The following GRIN2B variants were observed in gnomAD, a reference collection of about 807,000 sequenced individuals.
GRIN2B encodes glutamate ionotropic receptor NMDA type subunit 2B.
In GRIN2B, 5 loss-of-function variants were observed where a neutral mutation model predicts 114.5. The observed-to-expected ratio is 0.04, with a 90% CI of 0.02 to 0.09. GRIN2B has a LOEUF of 0.09. Ranked by LOEUF, GRIN2B falls within the 10% of genes least tolerant of loss-of-function variation. The pLI is 1.00. For synonymous variants in GRIN2B, 787 were observed against 745.1 expected, an observed-to-expected ratio of 1.06 and a Z score of -0.92; for missense variants, 1,108 against 1,943.5, an observed-to-expected ratio of 0.57 and a Z score of 8.08.
chr12:13,607,329 T>C (rs1591637403), intron 10 of GRIN2B, among the ~76,000 whole-genome samples: 1 of 51,622 alleles, frequency 1.9e-5, no homozygotes, highest in African/African-American at 8.1e-5. Context: ...AAATATATAA[T>C]ATATATTATA....
intron 5 of GRIN2B, among the ~76,000 whole-genome samples, chr12:13,640,273 A>T (rs1029037393): frequency 6.6e-6 from 1 of 152,174 alleles, no homozygotes; most frequent in Non-Finnish European, 1.5e-5. Context: ...AAAGAAAAAA[A>T]TGTAGATATC....
intron 2 of GRIN2B, among the ~76,000 whole-genome samples, chr12:13,955,432 G>C (rs1867571695): frequency 6.6e-6 from 1 of 152,194 alleles, no homozygotes; most frequent in Non-Finnish European, 1.5e-5. Context: ...CCACACGTCT[G>C]CAGCAGACAT....
intron 5 of GRIN2B, among the ~76,000 whole-genome samples, chr12:13,631,528 G>GA (rs1214235260): frequency 1.3e-5 from 2 of 151,612 alleles, no homozygotes; most frequent in African/African-American, 2.4e-5. Flanking sequence ...AAAAAGAAAA[G>GA]AAAAAAAAGA....
chr12:13,642,731 A>G (rs1220876867), intron 5 of GRIN2B, among the ~76,000 whole-genome samples: 1 of 152,112 alleles, frequency 6.6e-6, no homozygotes, highest in African/African-American at 2.4e-5. Flanking sequence ...TGTGTCAGAT[A>G]CTCTGATAAC....
intron 3 of GRIN2B, among the ~76,000 whole-genome samples, chr12:13,864,749 C>G (rs1865798867): frequency 6.6e-6 from 1 of 152,104 alleles, no homozygotes; most frequent in South Asian, 2.1e-4. Context: ...GACAATTAGC[C>G]TAACATTAAC....
At chr12:13,578,083 A>C (rs545974897) in intron 10 of GRIN2B, among the ~76,000 whole-genome samples, 93 of 152,314 alleles carry the variant, frequency 6.1e-4, no homozygotes, top group African/African-American at 2.2e-3. Flanking sequence ...TATTTTTAAA[A>C]TTTCTAAACA....
At chr12:13,638,394 C>T (rs1805552) in intron 5 of GRIN2B, among the ~76,000 whole-genome samples, 29,238 of 151,986 alleles carry the variant, frequency 0.19, 3,401 homozygotes, top group East Asian at 0.38. Flanking sequence ...GACATGTCCA[C>T]GTGAATGCAT....
At chr12:13,574,873 T>C (rs58177631) in intron 10 of GRIN2B, among the ~76,000 whole-genome samples, 8,416 of 152,274 alleles carry the variant, frequency 0.055, 315 homozygotes, top group East Asian at 0.18. Context: ...GAGTGTGGCA[T>C]TAGCGTACAG....
At chr12:13,877,355 C>A (rs540992708) in intron 2 of GRIN2B, among the ~76,000 whole-genome samples, 1 of 152,186 alleles carries the variant, frequency 6.6e-6, no homozygotes, top group Admixed American at 6.5e-5. Flanking sequence ...GGTTATCAGG[C>A]CAACTATAGG....
intron 3 of GRIN2B, among the ~76,000 whole-genome samples, chr12:13,810,734 G>A (rs1864714472): frequency 6.6e-6 from 1 of 152,178 alleles, no homozygotes; most frequent in African/African-American, 2.4e-5. Context: ...CACTTCTAAT[G>A]CCTATACAGT....
chr12:13,538,853 AAAC>A lies in GRIN2B; in HGVS notation c.*23927_*23929del, dbSNP rs1055723939. 3.3e-5 allele frequency: 5 copies of A among 151,850 alleles called. No individual in the cohort carries two copies. The highest frequency in any genetic ancestry group is 1.2e-4 in the African/African-American group (5 of 41,372). 9.4% of individuals were successfully genotyped at this position (151,850 alleles called of 1,614,324 possible). A position where few individuals can be genotyped will look rare whatever the true frequency, so the allele number is the denominator to read the frequency against. ...AAAAAAAAAACAAACAAAAAAACAA[AAAC>A]AACAGAAAAATCAGAGCCAAGATTT... On this transcript the variant is annotated 3_prime_UTR_variant, in exon 14 of 14. Coordinates refer to ENST00000609686, the MANE Select transcript of GRIN2B (RefSeq NM_000834.5).
At chr12:13,590,428 C>G (rs1317867832) in intron 10 of GRIN2B, among the ~76,000 whole-genome samples, 1 of 152,072 alleles carries the variant, frequency 6.6e-6, no homozygotes, top group Non-Finnish European at 1.5e-5. Flanking sequence ...GTGATGTTCC[C>G]CTCCCTGTGT....
chr12:13,669,119 G>GGACATATACA (rs1950001979), intron 5 of GRIN2B, among the ~76,000 whole-genome samples: 1 of 151,900 alleles, frequency 6.6e-6, no homozygotes, highest in Non-Finnish European at 1.5e-5. Context: ...ATACAATTTT[G>GGACATATACA]AGGACTTTCA....
intron 2 of GRIN2B, among the ~76,000 whole-genome samples, chr12:13,870,285 C>T (rs554653059): frequency 2.6e-5 from 4 of 152,208 alleles, no homozygotes; most frequent in South Asian, 2.1e-4. Context: ...CTCAGCATAT[C>T]GAAATCATGC....
At chr12:13,940,616 A>C (rs192394200) in intron 2 of GRIN2B, among the ~76,000 whole-genome samples, 21 of 152,276 alleles carry the variant, frequency 1.4e-4, no homozygotes, top group African/African-American at 4.8e-4. Context: ...GAAACATTTC[A>C]ACTCAACAGA....
intron 3 of GRIN2B, among the ~76,000 whole-genome samples, chr12:13,828,187 A>G (rs548355764): frequency 2.6e-5 from 4 of 152,296 alleles, no homozygotes; most frequent in Admixed American, 6.5e-5. Flanking sequence ...CATTCAGGTT[A>G]GTTTGTTCCT....
intron 2 of GRIN2B, among the ~76,000 whole-genome samples, chr12:13,969,407 T>C (rs556899092): frequency 1.3e-5 from 2 of 152,360 alleles, no homozygotes; most frequent in South Asian, 2.1e-4. Context: ...TTGCTCCTTA[T>C]AGCTGTGTAA....
intron 2 of GRIN2B, among the ~76,000 whole-genome samples, chr12:13,877,981 T>C (rs1866014605): frequency 6.7e-6 from 1 of 149,496 alleles, no homozygotes; most frequent in South Asian, 2.1e-4. Flanking sequence ...GGAGAATTGC[T>C]TGAACCTGGG....
intron 2 of GRIN2B, among the ~76,000 whole-genome samples, chr12:13,929,628 T>G (rs779478858): frequency 1.7e-4 from 26 of 152,216 alleles, no homozygotes; most frequent in Non-Finnish European, 2.8e-4. Flanking sequence ...AGCTTTCCTC[T>G]ATCCTGTCAC....
Sources: allele counts gnomAD v4.1 joint callset (sites outside exome capture counted in the v4.1 genomes callset), GRCh38; gene constraint gnomAD v4.1.1; transcripts MANE v1.5; gene names NCBI Gene and HGNC (gene_info 2026-07-23, HGNC 2026-07-21).